SCGN: variants seen among roughly 807,000 people sequenced by gnomAD.
The protein encoded by SCGN is secretagogin, EF-hand calcium binding protein, also known as secretagogin.
SCGN carries 30 observed loss-of-function variants against 39.7 expected under a neutral mutation model. That is an observed-to-expected ratio of 0.76 (90% CI 0.57 to 1.03). SCGN has a LOEUF of 1.03. Ranked by LOEUF, SCGN falls within the 50% of genes least tolerant of loss-of-function variation. The pLI is 0.00. For synonymous variants in SCGN, 106 were observed against 114.1 expected, an observed-to-expected ratio of 0.93 and a Z score of 0.45; for missense variants, 353 against 349.4, an observed-to-expected ratio of 1.01 and a Z score of -0.08.
At chr6:25,689,150 A>ATT (rs11327870) in intron 7 of SCGN, 22 bp from the exon 8 acceptor site, 31 of 1,271,118 alleles carry the variant, frequency 2.4e-5, no homozygotes, top group Middle Eastern at 1.9e-4. Context: ...CCTTACGTGG[A>ATT]TTTTTTTTTT....
At chr6:25,656,790 A>T (rs192416144) in intron 2 of SCGN, among the ~76,000 whole-genome samples, 112 of 152,346 alleles carry the variant, frequency 7.4e-4, no homozygotes, top group African/African-American at 2.6e-3. Context: ...TGTGTCCTCA[A>T]ACTAAAGGTA....
chr6:25,675,569 C>A (rs1015151658), intron 6 of SCGN, among the ~76,000 whole-genome samples: 1 of 152,248 alleles, frequency 6.6e-6, no homozygotes. Context: ...GGCCTGAGTG[C>A]ACTCAAGATT....
intron 10 of SCGN, among the ~76,000 whole-genome samples, chr6:25,695,182 A>G (rs532051652): frequency 5.1e-4 from 78 of 152,346 alleles, no homozygotes; most frequent in Middle Eastern, 3.4e-3. Context: ...TGTCAATCTG[A>G]TAAGATTACA....
rs190415249 is a variant in SCGN at position 25,700,051 on chromosome 6, G to A, written c.703-1156G>A. ...ACCAGGGGTCAGGAGTTTAAGACCA[G>A]CCTGGCCAACAGGATGAAACCCTAT... On this transcript the variant is annotated intron_variant, in intron 10 of 10. Coordinates refer to ENST00000377961, the MANE Select transcript of SCGN (RefSeq NM_006998.4). 1.5e-3 allele frequency among the ~76,000 whole-genome samples: 227 copies of A among 152,102 alleles called. 1 individual carries two copies. The highest frequency in any genetic ancestry group is 2.9e-3 in the Non-Finnish European group (198 of 67,992).
chr6:25,661,470 T>G lies in SCGN; in HGVS notation c.154-82T>G, dbSNP rs191059194. On this transcript the variant is annotated intron_variant, in intron 2 of 10. Coordinates refer to ENST00000377961, the MANE Select transcript of SCGN (RefSeq NM_006998.4). ...TGTTTGAAAAACATAATTTTCACGC[T>G]GTATATTTTGAATATTTGCCATCCT... 2.4e-3 allele frequency: 2,271 copies of G among 930,330 alleles called. 7 individuals carry two copies. The highest frequency in any genetic ancestry group is 3.3e-3 in the Non-Finnish European group (1,891 of 577,664). The allele number at this position is 930,330 out of a possible 1,614,324, so 57.6% of individuals were successfully genotyped here.
intron 7 of SCGN, among the ~76,000 whole-genome samples, chr6:25,683,612 A>C (rs531054800): frequency 6.7e-6 from 1 of 150,148 alleles, no homozygotes; most frequent in East Asian, 1.9e-4. Flanking sequence ...TTAATGATAA[A>C]ATAATGCACA....
intron 7 of SCGN, among the ~76,000 whole-genome samples, chr6:25,685,263 C>T (rs1456054410): frequency 6.6e-6 from 1 of 152,112 alleles, no homozygotes; most frequent in Non-Finnish European, 1.5e-5. Flanking sequence ...GGCAGTGTGT[C>T]GCAGCAGCAC....
chr6:25,699,406 T>C (rs929576410), intron 10 of SCGN, among the ~76,000 whole-genome samples: 3 of 150,964 alleles, frequency 2.0e-5, no homozygotes, highest in African/African-American at 7.3e-5. Context: ...CTGGCCAACA[T>C]GGTGAAACCC....
At chr6:25,684,623 G>C (rs997538026) in intron 7 of SCGN, among the ~76,000 whole-genome samples, 1 of 152,102 alleles carries the variant, frequency 6.6e-6, no homozygotes, top group Non-Finnish European at 1.5e-5. Flanking sequence ...GTGAAACCCT[G>C]TGTCTACTAA....
At chr6:25,653,153 T>A (rs1361766964) in intron 1 of SCGN, among the ~76,000 whole-genome samples, 1 of 152,218 alleles carries the variant, frequency 6.6e-6, no homozygotes, top group Admixed American at 6.5e-5. Flanking sequence ...ATAGCCTTCC[T>A]TTTCCAAGCA....
In SCGN at chr6:25,652,412, C is replaced by T. The variant is rs755493322; in HGVS notation, c.9C>T (p.Ser3=). The change falls in exon 1 of 11, where the codon AGC becomes AGT. Residue 3 remains serine, a synonymous_variant. Transcript: ENST00000377961. ...TCTTCGTCGTCAACACCATGGACAG[C>T]TCCCGGGAACCGACTCTGGGGCGCT... The part of the protein sequence containing the change: MD[S]SREPTLGRLD... 3.7e-6 allele frequency: 6 copies of T among 1,614,160 alleles called. No individual in the cohort carries two copies. The highest frequency in any genetic ancestry group is 5.1e-6 in the Non-Finnish European group (6 of 1,180,004).
intron 6 of SCGN, among the ~76,000 whole-genome samples, chr6:25,680,139 G>A (rs979627721): frequency 5.3e-5 from 8 of 152,190 alleles, no homozygotes; most frequent in Admixed American, 2.0e-4. Flanking sequence ...CTTTATTATA[G>A]TTTAAAAATT....
intron 10 of SCGN, among the ~76,000 whole-genome samples, chr6:25,698,498 C>T (rs1043515605): frequency 1.4e-4 from 22 of 152,162 alleles, no homozygotes; most frequent in African/African-American, 4.8e-4. Context: ...ATCCTGGGGC[C>T]GTTTAGTGGA....
At chr6:25,674,281 A>T (rs4711091) in intron 6 of SCGN, among the ~76,000 whole-genome samples, 4 of 152,152 alleles carry the variant, frequency 2.6e-5, no homozygotes, top group South Asian at 2.1e-4. Context: ...TTTGAGTTTG[A>T]TCAGAAGACA....
intron 10 of SCGN, among the ~76,000 whole-genome samples, chr6:25,694,773 C>T (rs532396478): frequency 6.6e-6 from 1 of 152,154 alleles, no homozygotes; most frequent in African/African-American, 2.4e-5. Context: ...TAAAAATACT[C>T]GCCATATAAT....
At chr6:25,660,523 T>C (rs1760318055) in intron 2 of SCGN, among the ~76,000 whole-genome samples, 1 of 152,160 alleles carries the variant, frequency 6.6e-6, no homozygotes. Context: ...TAGGACATCT[T>C]GCACCTGGGT....
intron 7 of SCGN, among the ~76,000 whole-genome samples, chr6:25,686,281 A>T (rs764610062): frequency 6.6e-5 from 10 of 152,170 alleles, no homozygotes; most frequent in Non-Finnish European, 8.8e-5. Context: ...TAATTTTCTG[A>T]GGTACTGCCA....
At position 25,653,501 on chromosome 6, in the gene SCGN, G is replaced by T. The variant is rs368064909; in HGVS notation, c.153+49G>T. 12 of 1,326,102 alleles carry T rather than the reference G, an allele frequency of 9.0e-6. No homozygotes were observed. In the Admixed American group the frequency reaches 1.7e-4, roughly 19 times the overall value. The allele number at this position is 1,326,102 out of a possible 1,614,324, so 82.1% of individuals were successfully genotyped here. On this transcript the variant is annotated intron_variant, in intron 2 of 10. Transcript: ENST00000377961. ...TAATTTATGCCTCTTAGTAAGATAC[G>T]CACATCCAAGTCTTATATTGATTGG...
intron 6 of SCGN, among the ~76,000 whole-genome samples, chr6:25,671,255 T>C (rs974392200): frequency 2.6e-5 from 4 of 152,220 alleles, no homozygotes; most frequent in Non-Finnish European, 1.5e-5. Flanking sequence ...AAAGGGTAAG[T>C]GACTAAGTCA....
Sources: allele counts gnomAD v4.1 joint callset (sites outside exome capture counted in the v4.1 genomes callset), GRCh38; gene constraint gnomAD v4.1.1; transcripts MANE v1.5; gene names NCBI Gene and HGNC (gene_info 2026-07-23, HGNC 2026-07-21).